The following CFAP74 variants were observed in gnomAD, a reference collection of about 807,000 sequenced individuals.
CFAP74 encodes cilia and flagella associated protein 74.
In CFAP74, 124 loss-of-function variants were observed where a neutral mutation model predicts 188.9. The observed-to-expected ratio is 0.66, with a 90% CI of 0.57 to 0.76. The LOEUF (loss-of-function observed/expected upper bound fraction) is 0.76, where lower values mean the gene tolerates loss of function less well. Among genes scored for constraint, CFAP74 ranks in the 30% least tolerant of loss-of-function variants. The pLI is 0.00. For synonymous variants in CFAP74, 956 were observed against 916.7 expected (o/e 1.04, Z -0.77); for missense variants, 2,198 against 2,165.2 (o/e 1.02, Z -0.30).
Position 1,928,863 on chromosome 1 carries a change from G to A in CFAP74, c.3308C>T (p.Ala1103Val). The change falls in exon 27 of 39, where the codon GCC becomes GTC. Residue 1103 changes from alanine to valine, a missense_variant. Ala to Val is a moderately conservative substitution (Grantham distance 64, BLOSUM62 0). Coordinates refer to ENST00000682832, the MANE Select transcript of CFAP74 (RefSeq NM_001304360.2). ...CTTCTCGGGCAGCACTGGCCGGAAGGCCACCTGGACCAGGCACCTCTGAGG... is the reference window on the plus strand; with the variant it reads ...CTTCTCGGGCAGCACTGGCCGGAAGACCACCTGGACCAGGCACCTCTGAGG... ...WPGKRCLVQVAFRPVLPEKLI... is the reference protein window; with the variant it reads ...WPGKRCLVQVVFRPVLPEKLI... 1 of 1,535,618 alleles carries A rather than the reference G, an allele frequency of 6.5e-7. No individual in the cohort carries two copies. Among genetic ancestry groups the A allele is most frequent in the East Asian group, 2.4e-5 (1 of 40,894 alleles).
intron 17 of CFAP74, among the ~76,000 whole-genome samples, chr1:1,956,145 A>G (rs1326066372): frequency 1.3e-5 from 2 of 152,176 alleles, no homozygotes; most frequent in African/African-American, 2.4e-5. Context: ...CTCTTGGTCC[A>G]ACCCTCCTTC....
intron 6 of CFAP74, among the ~76,000 whole-genome samples, chr1:1,978,792 T>A (rs1656608139): frequency 6.6e-6 from 1 of 152,184 alleles, no homozygotes; most frequent in Non-Finnish European, 1.5e-5. Flanking sequence ...ACTGCAGCGA[T>A]GGGATACGGG....
At chr1:1,929,848 C>T (rs963447365) in intron 26 of CFAP74, among the ~76,000 whole-genome samples, 4 of 152,040 alleles carry the variant, frequency 2.6e-5, no homozygotes, top group Admixed American at 6.6e-5. Context: ...GCACTGTGAC[C>T]CCCCCCGATG....
rs914338976 is a variant in CFAP74, at chr1:1,955,105, G to C, written c.2176+586C>G. On this transcript the variant is annotated intron_variant, in intron 18 of 38. Coordinates refer to ENST00000682832, the MANE Select transcript of CFAP74 (RefSeq NM_001304360.2). The stretch of plus-strand genomic sequence containing the variant: ...CGGCTCACACAGGCTGTGGAGAACC[G>C]GCCCAGCTCCGCGCTGAGCTGCAGG... 5 of 1,085,790 alleles carry C rather than the reference G, an allele frequency of 4.6e-6. No individual in the cohort carries two copies. The South Asian group carries it at 6.7e-5, about 15-fold the overall frequency. 67.3% of individuals were successfully genotyped at this position (1,085,790 alleles called of 1,614,324 possible).
chr1:1,938,106 C>CA (rs1558001171), intron 25 of CFAP74, among the ~76,000 whole-genome samples: 1 of 139,214 alleles, frequency 7.2e-6, no homozygotes, highest in Non-Finnish European at 1.6e-5. Context: ...CTTACACACC[C>CA]ACATACATGC....
chr1:1,923,280 C>G lies in CFAP74; in HGVS notation c.4522+87G>C. The G allele has an allele frequency of 6.7e-7, 1 of 1,500,762 alleles. No homozygotes were observed. The highest frequency in any genetic ancestry group is 2.2e-5 in the Admixed American group (1 of 45,368). 93.0% of individuals were successfully genotyped at this position (1,500,762 alleles called of 1,614,324 possible). On this transcript the variant is annotated intron_variant, in intron 36 of 38. Coordinates refer to ENST00000682832, the MANE Select transcript of CFAP74 (RefSeq NM_001304360.2). This position sits in a 1 kb window ranked among gnomAD's most constrained non-coding sequence, Gnocchi z 6.3. ...GGGTAGAAGGCTGGGAATCCCTGCC[C>G]TGCTCCGCTGGGTCTCGGGGCCCCC...
intron 6 of CFAP74, among the ~76,000 whole-genome samples, chr1:1,977,932 T>C (rs932512191): frequency 2.0e-5 from 3 of 152,180 alleles, no homozygotes; most frequent in Non-Finnish European, 2.9e-5. Flanking sequence ...CTTGACCTCC[T>C]GGGCTTGCTT....
rs758746981 is a variant in CFAP74, at chr1:1,988,937, T to G, written c.104A>C (p.Lys35Thr). 1.9e-6 allele frequency: 3 copies of G among 1,589,130 alleles called. No individual in the cohort carries two copies. The highest frequency in any genetic ancestry group is 1.7e-5 in the Admixed American group (1 of 59,126). ...ATCCTCAGCTTCCTGTAGAAGACAT[T>G]TGATGTCAAACTCCGGATCCTCTAA... ...DELEDPEFDIKCLLQEAEDDV... is the reference protein window; with the variant it reads ...DELEDPEFDITCLLQEAEDDV... Residue 35 changes from lysine (K) to threonine (T), a missense_variant, in exon 3 of 39, where the codon AAA (lysine) becomes ACA (threonine). Lys to Thr is a moderately conservative substitution (Grantham distance 78). Coordinates refer to ENST00000682832, the MANE Select transcript of CFAP74 (RefSeq NM_001304360.2).
chr1:1,995,089 C>T lies in CFAP74; in HGVS notation c.-19-4114G>A, dbSNP rs553292851. On this transcript the variant is annotated intron_variant, in intron 1 of 38. Transcript: ENST00000682832. ...TTGGGAACTGAGAGACCCAGGAAAG[C>T]GTGCTGAAGAAGCAGTGGAAGTTCC... 1.8e-4 allele frequency among the ~76,000 whole-genome samples: 27 copies of T among 152,276 alleles called. No individual in the cohort carries two copies. In the South Asian group the frequency reaches 5.6e-3, roughly 32 times the overall value.
Position 1,968,081 on chromosome 1 carries a change from TAA to T in CFAP74, c.1245+552_1245+553del, listed in dbSNP as rs1267308459. Reference sequence around the variant, plus strand: ...GTGAGTGAATGAATGAGTGAATGAGTAAAGAGTGAATGAGTGAATGAATGAGT... The same window carrying T: ...GTGAGTGAATGAATGAGTGAATGAGTAGAGTGAATGAGTGAATGAATGAGT... On this transcript the variant is annotated intron_variant, in intron 11 of 38. Coordinates refer to ENST00000682832, the MANE Select transcript of CFAP74 (RefSeq NM_001304360.2). The surrounding 1 kb of genome is among the most constrained non-coding windows in gnomAD (Gnocchi z 4.3). Among the ~76,000 whole-genome samples the T allele has an allele frequency of 6.6e-6, 1 of 150,956 alleles. No homozygotes were observed.
At chr1:1,955,018 A>G in intron 18 of CFAP74, 1 of 780,116 alleles carries the variant, frequency 1.3e-6, no homozygotes, top group Non-Finnish European at 1.6e-6. Flanking sequence ...TGGTGAGGAC[A>G]GGAAGTGCGG....
chr1:1,971,128 TGC>T (rs1655987073), intron 9 of CFAP74, among the ~76,000 whole-genome samples: 1 of 134,718 alleles, frequency 7.4e-6, no homozygotes, highest in Non-Finnish European at 1.6e-5. Context: ...TGCTCACACG[TGC>T]ACACACATGC....
chr1:1,983,486 C>G (rs1452733248), intron 6 of CFAP74, among the ~76,000 whole-genome samples: 1 of 152,228 alleles, frequency 6.6e-6, no homozygotes, highest in African/African-American at 2.4e-5. Flanking sequence ...AGCCCCTGGC[C>G]TGCAATCCTC....
At chr1:1,931,743 C>CAA (rs34088299) in intron 25 of CFAP74, among the ~76,000 whole-genome samples, 286 of 76,946 alleles carry the variant, frequency 3.7e-3, no homozygotes, top group African/African-American at 0.014. Flanking sequence ...GTCTCTGTCT[C>CAA]AAAAAAAAAA....
chr1:1,976,472 GC>G (rs1558049811), intron 6 of CFAP74, among the ~76,000 whole-genome samples: 3 of 151,856 alleles, frequency 2.0e-5, no homozygotes, highest in African/African-American at 7.3e-5. Context: ...TTCCCGAGGC[GC>G]CCCGAGAAGC....
At chr1:1,925,665 C>T in intron 33 of CFAP74, 118 bp downstream of exon 33, 1 of 1,111,332 alleles carries the variant, frequency 9.0e-7, no homozygotes, top group Non-Finnish European at 1.3e-6. Flanking sequence ...AGGGGGCCAC[C>T]TGTGTCCCCA....
rs1324196608 is a variant in CFAP74, at chr1:1,955,285, C to CA, written c.2176+405dup. The stretch of plus-strand genomic sequence containing the variant: ...TGCAGGGCAGGAGGCATGGGGAGGG[C>CA]AGGGCCCGCCCGTTTCTCGGCACCT... On this transcript the variant is annotated intron_variant, in intron 18 of 38. Transcript: ENST00000682832. 4 of 1,295,356 alleles carry CA rather than the reference C, an allele frequency of 3.1e-6. No homozygotes were observed. In the African/African-American group the frequency reaches 6.0e-5, roughly 20 times the overall value. The allele number at this position is 1,295,356 out of a possible 1,614,324, so 80.2% of individuals were successfully genotyped here.
chr1:1,934,641 G>A (rs560426550), intron 25 of CFAP74, among the ~76,000 whole-genome samples: 2 of 129,064 alleles, frequency 1.5e-5, no homozygotes, highest in Non-Finnish European at 3.4e-5. Flanking sequence ...ACGTGTGTAC[G>A]TGGGTGTTAG....
chr1:1,926,968 G>GTC lies in CFAP74; in HGVS notation c.3586_3587dup (p.Asp1196GlufsTer5), dbSNP rs1418114290. The GTC allele has an allele frequency of 6.5e-7, 1 of 1,550,170 alleles. No homozygotes were observed. The highest frequency in any genetic ancestry group is 2.0e-5 in the Admixed American group (1 of 50,988). ...CAACAACACAGGGAACTACAAATGT[G>GTC]TCAAACTTCGCCTGGAACGCTCTGA... On this transcript the variant is annotated frameshift_variant, in exon 29 of 39. Transcript: ENST00000682832. LOFTEE classifies it high-confidence loss of function.
Sources: gnomAD v4.1 joint callset for allele counts (sites outside exome capture counted in the v4.1 genomes callset) on GRCh38, gnomAD v4.1.1 for gene constraint, Gnocchi (gnomAD v3.1) non-coding constraint, MANE v1.5 for transcripts, NCBI Gene and HGNC (gene_info 2026-07-23, HGNC 2026-07-21) for gene names.